Variants in GRPEL1 observed in about 807,000 individuals in gnomAD.
GRPEL1 encodes the protein grpE protein homolog 1, mitochondrial.
A neutral mutation model predicts 22.1 loss-of-function variants in GRPEL1; 13 were observed. That is an observed-to-expected ratio of 0.59 (90% CI 0.38 to 0.94). The LOEUF (loss-of-function observed/expected upper bound fraction) is 0.94, where lower values mean the gene tolerates loss of function less well. GRPEL1 is among the 40% of genes least tolerant of loss of function. The probability of loss-of-function intolerance (pLI) is 0.00; values close to 1 mark genes in which losing one functional copy is unlikely to be tolerated. For missense variants in GRPEL1, 289 were observed against 264.6 expected (o/e 1.09, Z -0.64); for synonymous variants, 109 against 105.3 (o/e 1.03, Z -0.21).
chr4:7,067,629 G>C (rs866370324), intron 1 of GRPEL1: 2 of 377,408 alleles, frequency 5.3e-6, no homozygotes, highest in African/African-American at 2.1e-5. Flanking sequence ...CTGCGCCCGT[G>C]AGCGCCGAGA....
rs933424223 is a variant in GRPEL1, at chr4:7,060,645, T to C, written c.*217A>G. The C allele has an allele frequency of 1.6e-5, 9 of 576,180 alleles. No homozygotes were observed. The highest frequency in any genetic ancestry group is 2.8e-5 in the Non-Finnish European group (9 of 325,904). 35.7% of individuals were successfully genotyped at this position (576,180 alleles called of 1,614,324 possible). A position where few individuals can be genotyped will look rare whatever the true frequency, so the allele number is the denominator to read the frequency against. On this transcript the variant is annotated 3_prime_UTR_variant, in exon 4 of 4. Transcript: ENST00000264954. The stretch of plus-strand genomic sequence containing the variant: ...CCTGCTGAGCTCTTCTGAAAGTATG[T>C]GGAACTATTCAACGCGTGGCACTAA...
Position 7,062,433 on chromosome 4 carries a change from T to G in GRPEL1, c.259A>C (p.Asn87His), listed in dbSNP as rs1169766490. 1 of 1,596,348 alleles carries G rather than the reference T, an allele frequency of 6.3e-7. No individual in the cohort carries two copies. The highest frequency in any genetic ancestry group is 2.3e-5 in the East Asian group (1 of 44,294). Residue 87 changes from asparagine to histidine, a missense_variant, in exon 3 of 4, where the codon AAC (asparagine) becomes CAC (histidine). Transcript: ENST00000264954. The stretch of plus-strand genomic sequence containing the variant: ...AATTTCTGGCTCCTCTGCCGTAAGT[T>G]CTCAGTGTCTGCCAAAGCTCGTTTA... ...KYKRALADTE[N>H]LRQRSQKLVE...
At chr4:7,063,496 G>A (rs1724092705) in intron 2 of GRPEL1, among the ~76,000 whole-genome samples, 1 of 152,220 alleles carries the variant, frequency 6.6e-6, no homozygotes, top group African/African-American at 2.4e-5. Flanking sequence ...AGAGCTCCAA[G>A]TCCAGGGGGT....
At position 7,061,151 on chromosome 4, in the gene GRPEL1, G is replaced by A. The variant is rs1577220842; in HGVS notation, c.365C>T (p.Thr122Ile). 4 of 1,614,136 alleles carry A rather than the reference G, an allele frequency of 2.5e-6. No individual in the cohort carries two copies. In the East Asian group the frequency reaches 6.7e-5, roughly 27 times the overall value. Residue 122 changes from threonine (T) to isoleucine (I), a missense_variant, in exon 4 of 4, where the codon ACA (threonine) becomes ATA (isoleucine). By Grantham distance (89) the Thr-to-Ile change is moderately conservative. Coordinates refer to ENST00000264954, the MANE Select transcript of GRPEL1 (RefSeq NM_025196.4). ...LEVADVLEKA[T>I]QCVPKEEIKD... ...AATTTCTTCTTTTGGAACACACTGT[G>A]TTGCCTTCTCCAGAACGTCTGCCAC... is the stretch of plus-strand genomic sequence containing the variant.
intron 1 of GRPEL1, 24 bp downstream of exon 1, chr4:7,067,947 C>T (rs773867153): frequency 2.5e-6 from 4 of 1,612,108 alleles, no homozygotes; most frequent in Non-Finnish European, 3.4e-6. Flanking sequence ...CCACCTCCAC[C>T]CAGGGAGACC....
At chr4:7,062,269 C>T (rs1302581912) in intron 3 of GRPEL1, 116 bp downstream of exon 3, 1 of 401,286 alleles carries the variant, frequency 2.5e-6, no homozygotes, top group South Asian at 3.6e-5. Context: ...GGGGATGCAA[C>T]AGCTGGACCC....
intron 2 of GRPEL1, among the ~76,000 whole-genome samples, 165 bp from the exon 3 acceptor site, chr4:7,062,631 C>A (rs1351894440): frequency 4.0e-5 from 6 of 151,738 alleles, no homozygotes; most frequent in Non-Finnish European, 5.9e-5. Context: ...CCTGCCTCAG[C>A]CTCCCGAGTA....
intron 1 of GRPEL1, 65 bp downstream of exon 1, chr4:7,067,888 GAGGCCCCGGGGCCGGGAA>G: frequency 3.5e-6 from 5 of 1,414,810 alleles, no homozygotes; most frequent in Non-Finnish European, 4.9e-6. Flanking sequence ...GGCCGGGAAG[GAGGCCCCGGGGCCGGGAA>G]AGGCCCCCAT....
At position 7,059,232 on chromosome 4, in the gene GRPEL1, T is replaced by C. The variant is rs10516184; in HGVS notation, c.*1630A>G. 0.18 allele frequency: 27,497 copies of C among 152,244 alleles called. 2,492 individuals carry two copies. The highest frequency in any genetic ancestry group is 0.28 in the East Asian group (1,467 of 5,190). The allele number at this position is 152,244 out of a possible 1,614,324, so 9.4% of individuals were successfully genotyped here. A position where few individuals can be genotyped will look rare whatever the true frequency, so the allele number is the denominator to read the frequency against. ...AGCATTTCAGATGATAACCAACTTA[T>C]AGTGACTATGGATGACTGAAGCTTA... On this transcript the variant is annotated 3_prime_UTR_variant, in exon 4 of 4. Transcript: ENST00000264954.
Position 7,059,115 on chromosome 4 carries a change from G to GC in GRPEL1, c.*1746dup, listed in dbSNP as rs1723969353. 6.6e-6 allele frequency: 1 copy of GC among 152,130 alleles called. No individual in the cohort carries two copies. Among genetic ancestry groups the GC allele is most frequent in the African/African-American group, 2.4e-5 (1 of 41,426 alleles). 9.4% of individuals were successfully genotyped at this position (152,130 alleles called of 1,614,324 possible). A position where few individuals can be genotyped will look rare whatever the true frequency, so the allele number is the denominator to read the frequency against. On this transcript the variant is annotated 3_prime_UTR_variant, in exon 4 of 4. Transcript: ENST00000264954. ...TTCACAGGAAAAACTGCCTGACAGC[G>GC]CATTTCTCAGAACACATCCCTGTGG...
rs1047126683 is a variant in GRPEL1, at chr4:7,061,126, A to G, written c.390T>C (p.Ile130=). 3 of 1,614,124 alleles carry G rather than the reference A, an allele frequency of 1.9e-6. No homozygotes were observed. The highest frequency in any genetic ancestry group is 2.5e-6 in the Non-Finnish European group (3 of 1,180,022). The change falls in exon 4 of 4, where the codon ATT becomes ATC. Residue 130 remains isoleucine (I), a synonymous_variant. Transcript: ENST00000264954. ...TCTTCAGGTGAGGGTTATCGTCTTT[A>G]ATTTCTTCTTTTGGAACACACTGTG... The part of the protein sequence containing the change: ...KATQCVPKEE[I]KDDNPHLKNL...
Position 7,060,918 on chromosome 4 carries a change from T to G in GRPEL1, c.598A>C (p.Lys200Gln). 2 of 1,614,200 alleles carry G rather than the reference T, an allele frequency of 1.2e-6. No homozygotes were observed. The highest frequency in any genetic ancestry group is 8.5e-7 in the Non-Finnish European group (1 of 1,180,042). ...GGTCTCAGAGTGCGCCCATGCAGCT[T>G]GTACCCCACTTTGCTAACTAGGGCC... ...TVALVSKVGYKLHGRTLRPAL... is the reference protein window; with the variant it reads ...TVALVSKVGYQLHGRTLRPAL... Residue 200 changes from lysine (K) to glutamine (Q), a missense_variant, in exon 4 of 4, where the codon AAG becomes CAG. By Grantham distance (53) the Lys-to-Gln change is moderately conservative. Transcript: ENST00000264954.
rs756000781 is a variant in GRPEL1 at position 7,064,173 on chromosome 4, T to C, written c.113A>G (p.Gln38Arg). ...CTGACCCATGTCCTCTTCCAGGTTCTGGCCACTGTTCTTTTGTTTCGTGGC... is the reference window on the plus strand; with the variant it reads ...CTGACCCATGTCCTCTTCCAGGTTCCGGCCACTGTTCTTTTGTTTCGTGGC... ...CTATKQKNSG[Q>R]NLEEDMGQSE... is the part of the protein sequence containing the mutation. Residue 38 changes from glutamine to arginine, a missense_variant, in exon 2 of 4, where the codon CAG (glutamine) becomes CGG (arginine). By Grantham distance (43) the Gln-to-Arg change is conservative. Coordinates refer to ENST00000264954, the MANE Select transcript of GRPEL1 (RefSeq NM_025196.4). 5.0e-6 allele frequency: 8 copies of C among 1,614,212 alleles called. No homozygotes were observed. In the East Asian group the frequency reaches 1.6e-4, roughly 31 times the overall value.
chr4:7,062,276 A>T, intron 3 of GRPEL1, 109 bp downstream of exon 3: 1 of 310,228 alleles, frequency 3.2e-6, no homozygotes, highest in Non-Finnish European at 6.8e-6. Flanking sequence ...CAACAGCTGG[A>T]CCCCCCACCC....
chr4:7,060,225 T>G lies in GRPEL1; in HGVS notation c.*637A>C, dbSNP rs114453087. Reference sequence around the variant, plus strand: ...GAATATGATTTAAATATGTCTGCATTTAGATGAACAGAACAGGGTAAAAGG... The same window carrying G: ...GAATATGATTTAAATATGTCTGCATGTAGATGAACAGAACAGGGTAAAAGG... On this transcript the variant is annotated 3_prime_UTR_variant, in exon 4 of 4. Transcript: ENST00000264954. The G allele has an allele frequency of 9.7e-3, 1,478 of 152,348 alleles. 11 individuals carry two copies. Among genetic ancestry groups the G allele is most frequent in the Middle Eastern group, 0.037 (11 of 294 alleles). 9.4% of individuals were successfully genotyped at this position (152,348 alleles called of 1,614,324 possible).
intron 1 of GRPEL1, chr4:7,067,627 G>T (rs904622736): frequency 6.0e-5 from 22 of 368,842 alleles, no homozygotes; most frequent in African/African-American, 4.3e-4. Flanking sequence ...CTCTGCGCCC[G>T]TGAGCGCCGA....
rs142193388 is a variant in GRPEL1, at chr4:7,064,124, A to T, written c.162T>A (p.Pro54=). The change falls in exon 2 of 4, where the codon CCT becomes CCA. Residue 54 remains proline (P), a synonymous_variant. Transcript: ENST00000264954. ...CTTCCAGGAGGGTCTTCTCTGTAGC[A>T]GGAGGATCTGCCTTCTGTTCACTCT... ...MGQSEQKADP[P]ATEKTLLEEK... The T allele has an allele frequency of 1.2e-6, 2 of 1,614,206 alleles. No homozygotes were observed. The highest frequency in any genetic ancestry group is 8.5e-7 in the Non-Finnish European group (1 of 1,180,022).
intron 1 of GRPEL1, among the ~76,000 whole-genome samples, chr4:7,065,681 G>A (rs1334003846): frequency 2.0e-5 from 3 of 152,152 alleles, no homozygotes; most frequent in Admixed American, 2.0e-4. Context: ...CAATGGGATA[G>A]ATGCAGCTTC....
Position 7,060,764 on chromosome 4 carries a change from T to G in GRPEL1, c.*98A>C, listed in dbSNP as rs1724021753. On this transcript the variant is annotated 3_prime_UTR_variant, in exon 4 of 4. Transcript: ENST00000264954. Reference sequence around the variant, plus strand: ...GGTTACTTAAGGTTTCCAATAAGGTTTGGGAAAAGGTCACACGTACTCATA... The same window carrying G: ...GGTTACTTAAGGTTTCCAATAAGGTGTGGGAAAAGGTCACACGTACTCATA... 2 of 1,133,776 alleles carry G rather than the reference T, an allele frequency of 1.8e-6. No homozygotes were observed. The highest frequency in any genetic ancestry group is 3.1e-5 in the African/African-American group (2 of 64,228). The allele number at this position is 1,133,776 out of a possible 1,614,324, so 70.2% of individuals were successfully genotyped here.
Sources: gnomAD v4.1 joint callset for allele counts (sites outside exome capture counted in the v4.1 genomes callset) on GRCh38, gnomAD v4.1.1 for gene constraint, MANE v1.5 for transcripts, NCBI Gene and HGNC (gene_info 2026-07-23, HGNC 2026-07-21) for gene names.